Variants in NME7 observed in about 807,000 individuals in gnomAD.
NME7 encodes the protein nucleoside diphosphate kinase 7.
A neutral mutation model predicts 49.1 loss-of-function variants in NME7; 41 were observed. The observed-to-expected ratio is 0.83, with a 90% confidence interval of 0.65 to 1.08. The LOEUF is 1.08. Among genes scored for constraint, NME7 ranks in the 50% least tolerant of loss-of-function variants. NME7 has a pLI of 0.00. For missense variants in NME7, 423 were observed against 463.4 expected (o/e 0.91, Z 0.80); for synonymous variants, 139 against 150.6 (o/e 0.92, Z 0.56).
intron 1 of NME7, among the ~76,000 whole-genome samples, chr1:169,334,633 C>T (rs560414487): frequency 6.6e-6 from 1 of 152,206 alleles, no homozygotes; most frequent in Non-Finnish European, 1.5e-5. Context: ...TACACAATAC[C>T]ATTCAGGACA....
At chr1:169,210,067 C>T (rs1045098102) in intron 10 of NME7, among the ~76,000 whole-genome samples, 3 of 152,058 alleles carry the variant, frequency 2.0e-5, no homozygotes, top group Non-Finnish European at 2.9e-5. Flanking sequence ...GTGGACAGAG[C>T]CAATGTCTAT....
intron 7 of NME7, among the ~76,000 whole-genome samples, chr1:169,254,374 A>C (rs1194029525): frequency 6.6e-6 from 1 of 151,796 alleles, no homozygotes; most frequent in East Asian, 2.0e-4. Context: ...GTATTCTCTG[A>C]TGGTAGTTTG....
At chr1:169,251,865 C>A (rs1648639652) in intron 7 of NME7, among the ~76,000 whole-genome samples, 1 of 151,816 alleles carries the variant, frequency 6.6e-6, no homozygotes, top group Non-Finnish European at 1.5e-5. Context: ...CCAGTTTCAT[C>A]CATGTCCCTA....
At chr1:169,341,235 G>A (rs976244388) in intron 1 of NME7, among the ~76,000 whole-genome samples, 11 of 152,174 alleles carry the variant, frequency 7.2e-5, no homozygotes, top group Non-Finnish European at 1.3e-4. Flanking sequence ...AGCTCAAGCC[G>A]AGGCTAAAAG....
At chr1:169,238,480 C>T (rs2101829593) in intron 7 of NME7, among the ~76,000 whole-genome samples, 1 of 104,884 alleles carries the variant, frequency 9.5e-6, no homozygotes, top group East Asian at 2.0e-4. Context: ...CACAAAGGCA[C>T]ACACACACAC....
chr1:169,151,012 A>T (rs1322013070), intron 11 of NME7, among the ~76,000 whole-genome samples: 1 of 152,222 alleles, frequency 6.6e-6, no homozygotes, highest in Admixed American at 6.5e-5. Flanking sequence ...CAACCATTTA[A>T]ACATGTGAAA....
At chr1:169,151,582 C>A (rs75213877) in intron 11 of NME7, among the ~76,000 whole-genome samples, 1 of 152,182 alleles carries the variant, frequency 6.6e-6, no homozygotes, top group Non-Finnish European at 1.5e-5. Context: ...TAGTCCCCCC[C>A]AGGCTGTCCA....
intron 10 of NME7, among the ~76,000 whole-genome samples, chr1:169,173,550 T>G (rs1194797334): frequency 6.6e-6 from 1 of 152,138 alleles, no homozygotes; most frequent in African/African-American, 2.4e-5. Context: ...TTAGATCCTC[T>G]TTAAAAAAGG....
chr1:169,210,515 T>C (rs988187629), intron 10 of NME7, among the ~76,000 whole-genome samples: 3 of 152,160 alleles, frequency 2.0e-5, no homozygotes, highest in African/African-American at 2.4e-5. Context: ...AGAAACTATG[T>C]TCTAAGTTTG....
At chr1:169,329,192 A>G (rs1488860594) in intron 1 of NME7, among the ~76,000 whole-genome samples, 1 of 151,208 alleles carries the variant, frequency 6.6e-6, no homozygotes, top group African/African-American at 2.4e-5. Context: ...CAAAAAAAAA[A>G]TCTGATCTAA....
intron 10 of NME7, among the ~76,000 whole-genome samples, chr1:169,188,532 C>T (rs1660137728): frequency 6.6e-6 from 1 of 152,208 alleles, no homozygotes; most frequent in African/African-American, 2.4e-5. Context: ...ACAAAGAGCA[C>T]ACCTGGCTTG....
At chr1:169,344,063 T>C (rs1652870694) in intron 1 of NME7, among the ~76,000 whole-genome samples, 1 of 152,190 alleles carries the variant, frequency 6.6e-6, no homozygotes, top group East Asian at 1.9e-4. Context: ...TGTTTCCATT[T>C]ATTTAGGTCT....
intron 10 of NME7, among the ~76,000 whole-genome samples, chr1:169,180,691 G>A (rs974319907): frequency 6.6e-6 from 1 of 151,788 alleles, no homozygotes; most frequent in East Asian, 1.9e-4. Context: ...ATTGTCTAGT[G>A]GCCACATTAA....
intron 1 of NME7, among the ~76,000 whole-genome samples, chr1:169,360,625 GCTCA>G (rs1653619604): frequency 6.6e-6 from 1 of 152,024 alleles, no homozygotes; most frequent in African/African-American, 2.4e-5. Flanking sequence ...GCACCTCTGT[GCTCA>G]CTATTGACTC....
At chr1:169,307,686 G>A (rs1279704592) in intron 4 of NME7, among the ~76,000 whole-genome samples, 2 of 152,142 alleles carry the variant, frequency 1.3e-5, no homozygotes, top group African/African-American at 4.8e-5. Flanking sequence ...CTAAACTCAT[G>A]TAACCCTCAC....
At chr1:169,285,856 A>T (rs1292930776) in intron 7 of NME7, 1 of 152,324 alleles carries the variant, frequency 6.6e-6, no homozygotes, top group Admixed American at 6.5e-5. Flanking sequence ...AGTATTAATT[A>T]TGCAGCAAGA....
At chr1:169,331,604 T>G (rs1234543209) in intron 1 of NME7, among the ~76,000 whole-genome samples, 1 of 152,172 alleles carries the variant, frequency 6.6e-6, no homozygotes, top group Non-Finnish European at 1.5e-5. Flanking sequence ...CTCTTAGAAC[T>G]GATAAATTCA....
chr1:169,213,296 T>A (rs1660884040), intron 10 of NME7, among the ~76,000 whole-genome samples: 2 of 152,138 alleles, frequency 1.3e-5, no homozygotes, highest in Admixed American at 1.3e-4. Flanking sequence ...AGTTCAGTAT[T>A]CACCAAGTCA....
chr1:169,144,603 T>C (rs1166077820), intron 11 of NME7, among the ~76,000 whole-genome samples: 1 of 152,110 alleles, frequency 6.6e-6, no homozygotes, highest in Non-Finnish European at 1.5e-5. Flanking sequence ...TCGATAACAA[T>C]TTTTCCTGGA....
Sources: allele counts gnomAD v4.1 joint callset (sites outside exome capture counted in the v4.1 genomes callset), GRCh38; gene constraint gnomAD v4.1.1; transcripts MANE v1.5; gene names NCBI Gene and HGNC (gene_info 2026-07-23, HGNC 2026-07-21).